AFF2: variants seen among roughly 807,000 people sequenced by gnomAD.
AFF2 encodes the protein ALF transcription elongation factor 2.
AFF2 carries 14 observed loss-of-function variants against 76.9 expected under a neutral mutation model. The observed-to-expected ratio is 0.18, with a 90% CI of 0.12 to 0.28. The LOEUF is 0.28. Ranked by LOEUF, AFF2 falls within the 10% of genes least tolerant of loss-of-function variation. The pLI, the probability that AFF2 is intolerant of heterozygous loss-of-function variation, is 1.00. For synonymous variants in AFF2, 398 were observed against 366.7 expected (o/e 1.09, Z -0.98); for missense variants, 868 against 1,001.1 (o/e 0.87, Z 1.79).
intron 1 of AFF2, among the ~76,000 whole-genome samples, chrX:148,510,325 G>T (rs1482985934): frequency 9.0e-6 from 1 of 111,703 alleles, no homozygotes; most frequent in African/African-American, 3.3e-5. Flanking sequence ...TGTGTTATCC[G>T]ATTTCTCTAT....
intron 1 of AFF2, among the ~76,000 whole-genome samples, chrX:148,579,276 T>C (rs1421922655): frequency 9.0e-6 from 1 of 111,707 alleles, no homozygotes; most frequent in East Asian, 3.0e-4. Context: ...ATGGCTGAAA[T>C]GGTTGAATAT....
chrX:148,830,397 C>T (rs1222084880), intron 4 of AFF2, among the ~76,000 whole-genome samples: 1 of 112,314 alleles, frequency 8.9e-6, no homozygotes, highest in Non-Finnish European at 1.9e-5. Flanking sequence ...AATCCTTTTA[C>T]AAATGGCTGT....
chrX:148,897,081 A>G (rs1367485489), intron 8 of AFF2, among the ~76,000 whole-genome samples: 2 of 102,240 alleles, frequency 2.0e-5, no homozygotes, highest in Non-Finnish European at 4.0e-5. Flanking sequence ...CTTGAACCCT[A>G]CATTCTCCAT....
intron 9 of AFF2, among the ~76,000 whole-genome samples, chrX:148,952,671 G>T (rs1557286745): frequency 8.9e-6 from 1 of 112,083 alleles, no homozygotes; most frequent in South Asian, 3.7e-4. Context: ...GAGAGCAAAC[G>T]ATCGGTATGG....
intron 7 of AFF2, among the ~76,000 whole-genome samples, chrX:148,876,290 G>C (rs1400163167): frequency 8.9e-6 from 1 of 112,085 alleles, no homozygotes; most frequent in African/African-American, 3.2e-5. Flanking sequence ...AGGTGACACA[G>C]ATAGTCAGAG....
intron 1 of AFF2, among the ~76,000 whole-genome samples, chrX:148,550,752 C>T (rs1181746501): frequency 9.0e-6 from 1 of 111,278 alleles, no homozygotes; most frequent in African/African-American, 3.3e-5. Flanking sequence ...AGGAAATATA[C>T]CAAAATGTAT....
intron 4 of AFF2, among the ~76,000 whole-genome samples, chrX:148,835,070 C>T (rs1224607731): frequency 8.9e-6 from 1 of 111,963 alleles, no homozygotes; most frequent in Admixed American, 9.5e-5. Flanking sequence ...GTGCACTCCA[C>T]TGGTAATTCA....
chrX:148,667,785 C>T (rs1298912797), intron 3 of AFF2, among the ~76,000 whole-genome samples: 3 of 111,659 alleles, frequency 2.7e-5, no homozygotes, highest in African/African-American at 9.8e-5. Context: ...ATGGGAGTTA[C>T]AATTCAAGAT....
At chrX:148,966,758 T>G in intron 13 of AFF2, 32 bp from the exon 14 acceptor site, 1 of 1,202,157 alleles carries the variant, frequency 8.3e-7, no homozygotes, top group Non-Finnish European at 1.1e-6. Flanking sequence ...AAGCTGGACC[T>G]AATGGAAACT....
intron 3 of AFF2, among the ~76,000 whole-genome samples, chrX:148,762,157 G>A (rs991009089): frequency 9.1e-6 from 1 of 109,870 alleles, no homozygotes. Context: ...ACCGAGCAGT[G>A]TACACTGTAC....
intron 3 of AFF2, among the ~76,000 whole-genome samples, chrX:148,781,719 G>T (rs1213159228): frequency 9.0e-6 from 1 of 111,368 alleles, no homozygotes; most frequent in East Asian, 2.8e-4. Context: ...GTTCTGTCTC[G>T]CTGGCATTCC....
chrX:148,642,197 C>T (rs2054096399), intron 1 of AFF2, among the ~76,000 whole-genome samples: 1 of 111,505 alleles, frequency 9.0e-6, no homozygotes, highest in Admixed American at 9.5e-5. Flanking sequence ...GGAGGCAGGG[C>T]CAAAAGGTTA....
At position 148,500,631 on chromosome X, in the gene AFF2, AGCCGCTGCCGCCGCCGCCGCCGCCGCC is replaced by A. The variant is rs1275495468; in HGVS notation, c.-461_-435del. On this transcript the variant is annotated 5_prime_UTR_variant, in exon 1 of 21. Coordinates refer to ENST00000370460, the MANE Select transcript of AFF2 (RefSeq NM_002025.4). ...CCGCGGCCGCCGCCGCCGCCTGTGC[AGCCGCTGCCGCCGCCGCCGCCGCCGCC>A]GCCGCCGCCGCCGCCGCCGCCGCCG... The A allele has an allele frequency of 2.6e-4, 16 of 62,508 alleles. No individual in the cohort carries two copies. The highest frequency in any genetic ancestry group is 2.9e-4 in the Non-Finnish European group (9 of 31,484). 5.2% of individuals were successfully genotyped at this position (62,508 alleles called of 1,213,427 possible). A position where few individuals can be genotyped will look rare whatever the true frequency, so the allele number is the denominator to read the frequency against.
intron 3 of AFF2, among the ~76,000 whole-genome samples, chrX:148,793,039 A>C (rs1158286785): frequency 2.7e-5 from 3 of 111,733 alleles, no homozygotes; most frequent in African/African-American, 9.8e-5. Context: ...AGGTTTATTC[A>C]TCCAACTTTC....
chrX:148,869,813 T>G (rs1334003345), intron 7 of AFF2, among the ~76,000 whole-genome samples: 2 of 111,643 alleles, frequency 1.8e-5, no homozygotes, highest in Non-Finnish European at 3.8e-5. Context: ...CAGGCCTCCC[T>G]CCTTGGCTTG....
At chrX:148,841,908 T>C (rs1285095876) in intron 5 of AFF2, among the ~76,000 whole-genome samples, 1 of 111,865 alleles carries the variant, frequency 8.9e-6, no homozygotes, top group Non-Finnish European at 1.9e-5. Context: ...TCTGGAGTGG[T>C]GATCTTGCCA....
At chrX:148,895,574 TG>T (rs2071274179) in intron 8 of AFF2, among the ~76,000 whole-genome samples, 1 of 21,102 alleles carries the variant, frequency 4.7e-5, no homozygotes, top group Non-Finnish European at 9.1e-4. Context: ...TGAGTGAGTG[TG>T]TGTGTGTGTG....
rs782320341 is a variant in AFF2 at position 148,597,900 on chromosome X, G to A, written c.48-54099G>A. On this transcript the variant is annotated intron_variant, in intron 1 of 20. Coordinates refer to ENST00000370460, the MANE Select transcript of AFF2 (RefSeq NM_002025.4). ...AAAAATGACTTTCATCATAGGAAAT[G>A]GCTCGCTGCGGTATAAAGGTTTCAT... is the stretch of plus-strand genomic sequence containing the variant. Among the ~76,000 whole-genome samples the A allele has an allele frequency of 2.7e-5, 3 of 112,174 alleles. No individual in the cohort carries two copies. The Admixed American group carries it at 2.8e-4, about 11-fold the overall frequency.
chrX:148,501,842 G>A (rs1253392029), intron 1 of AFF2, among the ~76,000 whole-genome samples: 1 of 112,194 alleles, frequency 8.9e-6, no homozygotes, highest in Non-Finnish European at 1.9e-5. Flanking sequence ...TTTAATTACC[G>A]GATGGACCCC....
Sources: allele counts gnomAD v4.1 joint callset (sites outside exome capture counted in the v4.1 genomes callset), GRCh38; gene constraint gnomAD v4.1.1; transcripts MANE v1.5; gene names NCBI Gene and HGNC (gene_info 2026-07-23, HGNC 2026-07-21).